NNT: variants seen among roughly 807,000 people sequenced by gnomAD.
The protein encoded by NNT is NAD(P) transhydrogenase, mitochondrial.
NNT carries 50 observed loss-of-function variants against 104.8 expected under a neutral mutation model. The observed-to-expected ratio is 0.48, with a 90% CI of 0.38 to 0.60. The LOEUF (loss-of-function observed/expected upper bound fraction) is 0.60, where lower values mean the gene tolerates loss of function less well. Among genes scored for constraint, NNT ranks in the 20% least tolerant of loss-of-function variants. NNT has a pLI of 0.00. For synonymous variants in NNT, 461 were observed against 490.4 expected, an observed-to-expected ratio of 0.94 and a Z score of 0.79; for missense variants, 1,131 against 1,330.7, an observed-to-expected ratio of 0.85 and a Z score of 2.33.
At chr5:43,672,172 G>A (rs1448711326) in intron 17 of NNT, among the ~76,000 whole-genome samples, 2 of 152,112 alleles carry the variant, frequency 1.3e-5, no homozygotes, top group Non-Finnish European at 2.9e-5. Context: ...GTTTATTCTA[G>A]TTAGCCATTC....
At chr5:43,628,611 A>G (rs892765431) in intron 7 of NNT, among the ~76,000 whole-genome samples, 4 of 151,968 alleles carry the variant, frequency 2.6e-5, no homozygotes, top group Admixed American at 2.6e-4. Flanking sequence ...TTTGAGATGA[A>G]GTCTTGCTCT....
chr5:43,684,472 G>A (rs1360052729), intron 19 of NNT, among the ~76,000 whole-genome samples: 1 of 151,950 alleles, frequency 6.6e-6, no homozygotes, highest in African/African-American at 2.4e-5. Context: ...TTATTCCTTT[G>A]CCTGGGAAGC....
chr5:43,656,115 T>C (rs765668394), intron 15 of NNT, 42 bp downstream of exon 15: 4 of 1,468,088 alleles, frequency 2.7e-6, no homozygotes, highest in Admixed American at 1.7e-5. Context: ...ATCTACTGTT[T>C]AGGGCATTTA....
At chr5:43,650,051 G>A (rs1739673267) in intron 11 of NNT, among the ~76,000 whole-genome samples, 1 of 152,144 alleles carries the variant, frequency 6.6e-6, no homozygotes, top group Non-Finnish European at 1.5e-5. Context: ...CCAAAGCTAG[G>A]CATCCCCAGC....
intron 19 of NNT, among the ~76,000 whole-genome samples, chr5:43,699,338 AT>A (rs1342737033): frequency 7.3e-6 from 1 of 137,704 alleles, no homozygotes; most frequent in Non-Finnish European, 1.5e-5. Context: ...GTATGACAAC[AT>A]TTTATCTCCC....
intron 19 of NNT, among the ~76,000 whole-genome samples, chr5:43,682,412 T>C (rs917816324): frequency 2.6e-5 from 4 of 152,082 alleles, no homozygotes; most frequent in African/African-American, 9.7e-5. Flanking sequence ...GATTTCATCA[T>C]GTTGGCCAGG....
chr5:43,698,145 A>G (rs1348186293), intron 19 of NNT, among the ~76,000 whole-genome samples: 1 of 151,870 alleles, frequency 6.6e-6, no homozygotes, highest in Non-Finnish European at 1.5e-5. Context: ...CTGGCTTAAT[A>G]TGGATGAATA....
chr5:43,640,205 G>C (rs1460453463), intron 7 of NNT, among the ~76,000 whole-genome samples: 1 of 152,030 alleles, frequency 6.6e-6, no homozygotes, highest in East Asian at 1.9e-4. Flanking sequence ...CTGGGGTGTA[G>C]AGGGCATCTC....
chr5:43,610,073 G>C (rs1749423848), intron 2 of NNT, among the ~76,000 whole-genome samples: 1 of 152,134 alleles, frequency 6.6e-6, no homozygotes, highest in Non-Finnish European at 1.5e-5. Context: ...TACAGAGGAA[G>C]ATCTGAAGTC....
At position 43,626,009 on chromosome 5, in the gene NNT, A is replaced by G. The variant is rs183610667; in HGVS notation, c.776+1889A>G. 2.6e-4 allele frequency among the ~76,000 whole-genome samples: 39 copies of G among 152,270 alleles called. 1 individual carries two copies. In the South Asian group the frequency reaches 5.6e-3, roughly 22 times the overall value. On this transcript the variant is annotated intron_variant, in intron 6 of 21. Coordinates refer to ENST00000344920, the MANE Select transcript of NNT (RefSeq NM_182977.3). The stretch of plus-strand genomic sequence containing the variant: ...TAGTGGCTGCAGAAGATTCCATTGT[A>G]TAGAGAAGTACAGCAATTTATTTAA...
At chr5:43,651,661 T>C (rs1739772095) in intron 12 of NNT, 78 bp from the exon 13 acceptor site, 2 of 1,467,560 alleles carry the variant, frequency 1.4e-6, no homozygotes, top group Admixed American at 1.9e-5. Context: ...AACAGAAAAA[T>C]TGTAGCACTT....
chr5:43,632,671 C>T (rs1284597091), intron 7 of NNT, among the ~76,000 whole-genome samples: 3 of 152,122 alleles, frequency 2.0e-5, no homozygotes, highest in Admixed American at 1.3e-4. Flanking sequence ...TGGTGCTGTG[C>T]ACACAAAGAA....
chr5:43,609,583 A>C (rs1457339889), intron 2 of NNT, among the ~76,000 whole-genome samples: 1 of 152,218 alleles, frequency 6.6e-6, no homozygotes, highest in African/African-American at 2.4e-5. Flanking sequence ...CAAAAAAGAT[A>C]AACCAGTTGA....
chr5:43,656,042 T>C lies in NNT; in HGVS notation c.2262T>C (p.Ser754=). Residue 754 remains serine, a synonymous_variant, in exon 15 of 22, where the codon AGT becomes AGC. Coordinates refer to ENST00000344920, the MANE Select transcript of NNT (RefSeq NM_182977.3). ...LGTYIGGVTF[S]GSLIAYGKLQ... ...CTTACATTGGTGGCGTCACCTTTAG[T>C]GGGTCTCTCATTGCCTATGGAAAAT... 2 of 1,614,178 alleles carry C rather than the reference T, an allele frequency of 1.2e-6. No individual in the cohort carries two copies. The highest frequency in any genetic ancestry group is 8.5e-7 in the Non-Finnish European group (1 of 1,180,002).
chr5:43,645,050 T>A (rs74318697), intron 9 of NNT, among the ~76,000 whole-genome samples: 4,849 of 152,168 alleles, frequency 0.032, 215 homozygotes, highest in African/African-American at 0.1. Flanking sequence ...ACAAACAAAT[T>A]GAATAAAGTA....
intron 19 of NNT, among the ~76,000 whole-genome samples, chr5:43,684,943 G>A (rs1349018590): frequency 6.6e-6 from 1 of 152,126 alleles, no homozygotes; most frequent in African/African-American, 2.4e-5. Flanking sequence ...ATGTAACACT[G>A]CCACATACAA....
At chr5:43,608,642 A>T (rs189588037) in intron 1 of NNT, among the ~76,000 whole-genome samples, 8 of 152,332 alleles carry the variant, frequency 5.3e-5, no homozygotes, top group Non-Finnish European at 1.2e-4. Context: ...ATCCTGCTGC[A>T]CTGAACAGGA....
In NNT at chr5:43,687,446, A is replaced by G. The variant is rs116530670; in HGVS notation, c.2876+9640A>G. 1.8e-3 allele frequency among the ~76,000 whole-genome samples: 279 copies of G among 152,312 alleles called. 2 individuals are homozygous for G. The highest frequency in any genetic ancestry group is 6.5e-3 in the African/African-American group (269 of 41,574). On this transcript the variant is annotated intron_variant, in intron 19 of 21. Coordinates refer to ENST00000344920, the MANE Select transcript of NNT (RefSeq NM_182977.3). ...GGCCATCAGTTCCGGGAAATTGCTC[A>G]TTATGGCCAACCAGTGTCTGATATA...
rs533494108 is a variant in NNT, at chr5:43,707,111, A to C, written c.*2707A>C. The C allele has an allele frequency of 1.4e-3, 213 of 150,890 alleles. No individual in the cohort carries two copies. The highest frequency in any genetic ancestry group is 5.1e-3 in the African/African-American group (207 of 40,640). The allele number at this position is 150,890 out of a possible 1,614,324, so 9.3% of individuals were successfully genotyped here. On this transcript the variant is annotated 3_prime_UTR_variant, in exon 22 of 22. Transcript: ENST00000344920. Reference sequence around the variant, plus strand: ...TTGTGCACATGTACCCTAGAACTTAAAGTATAATTAAAAAAAAAAAGAAAA... The same window carrying C: ...TTGTGCACATGTACCCTAGAACTTACAGTATAATTAAAAAAAAAAAGAAAA...
Sources: gnomAD v4.1 joint callset for allele counts (sites outside exome capture counted in the v4.1 genomes callset) on GRCh38, gnomAD v4.1.1 for gene constraint, MANE v1.5 for transcripts, NCBI Gene and HGNC (gene_info 2026-07-23, HGNC 2026-07-21) for gene names.